Variants in TENT2 observed in about 807,000 individuals in gnomAD.
The protein encoded by TENT2 is poly(A) RNA polymerase GLD2.
TENT2 carries 44 observed loss-of-function variants against 72.2 expected under a neutral mutation model. The observed-to-expected ratio is 0.61, with a 90% CI of 0.48 to 0.78. The LOEUF is 0.78. TENT2 is among the 30% of genes least tolerant of loss of function. The pLI is 0.00. For synonymous variants in TENT2, 212 were observed against 192.5 expected (o/e 1.10, Z -0.84); for missense variants, 541 against 569.6 (o/e 0.95, Z 0.51).
chr5:79,615,874 G>A (rs1759422217), intron 1 of TENT2, among the ~76,000 whole-genome samples: 1 of 151,782 alleles, frequency 6.6e-6, no homozygotes, highest in Non-Finnish European at 1.5e-5. Flanking sequence ...CACCACACCT[G>A]GCTAATTTTT....
In TENT2 at chr5:79,659,604, G is replaced by A. The variant is rs145791510; in HGVS notation, c.1071+2603G>A. On this transcript the variant is annotated intron_variant, in intron 11 of 14. Transcript: ENST00000453514. ...TATATATATATATATAATAGCCATC[G>A]TTTATTTAGTATCCATTATATATGT... Among the ~76,000 whole-genome samples the A allele has an allele frequency of 1.4e-3, 128 of 90,004 alleles. 1 individual carries two copies. The highest frequency in any genetic ancestry group is 4.3e-3 in the African/African-American group (113 of 26,528). The allele number at this position is 90,004 out of a possible 152,430, so 59.0% of individuals were successfully genotyped here. A position where few individuals can be genotyped will look rare whatever the true frequency, so the allele number is the denominator to read the frequency against.
chr5:79,670,335 A>G (rs546441284), intron 12 of TENT2, among the ~76,000 whole-genome samples: 3 of 151,418 alleles, frequency 2.0e-5, no homozygotes. Context: ...TTATTTATTT[A>G]TTTTTTTGAG....
intron 8 of TENT2, among the ~76,000 whole-genome samples, chr5:79,646,470 A>T (rs1789116966): frequency 6.6e-6 from 1 of 152,200 alleles, no homozygotes; most frequent in African/African-American, 2.4e-5. Flanking sequence ...TATAGAACGT[A>T]GCTACTATGA....
intron 4 of TENT2, among the ~76,000 whole-genome samples, chr5:79,637,596 T>G (rs1781125063): frequency 6.6e-6 from 1 of 151,974 alleles, no homozygotes; most frequent in Non-Finnish European, 1.5e-5. Flanking sequence ...CCAGCTAATT[T>G]TTAAATTTTT....
intron 1 of TENT2, among the ~76,000 whole-genome samples, chr5:79,619,092 A>G (rs1257381481): frequency 6.6e-6 from 1 of 152,206 alleles, no homozygotes; most frequent in Non-Finnish European, 1.5e-5. Context: ...CCTGTGGAAC[A>G]TAGCCCTCTT....
intron 7 of TENT2, 136 bp from the exon 8 acceptor site, chr5:79,644,987 T>TC: frequency 1.5e-6 from 1 of 648,640 alleles, no homozygotes; most frequent in Non-Finnish European, 2.5e-6. Context: ...GATAATGTCC[T>TC]CACTTGTATT....
chr5:79,680,879 A>G (rs892402806), intron 13 of TENT2, among the ~76,000 whole-genome samples: 6 of 151,918 alleles, frequency 3.9e-5, no homozygotes, highest in African/African-American at 1.5e-4. Context: ...CTCATTCCTG[A>G]TGCCTTTAGT....
chr5:79,665,207 A>G (rs1806486755), intron 11 of TENT2, among the ~76,000 whole-genome samples: 1 of 152,190 alleles, frequency 6.6e-6, no homozygotes, highest in African/African-American at 2.4e-5. Context: ...CTTCTTTAAC[A>G]TACATTTCTA....
At chr5:79,633,646 C>T (rs888307947) in intron 4 of TENT2, among the ~76,000 whole-genome samples, 1 of 150,880 alleles carries the variant, frequency 6.6e-6, no homozygotes, top group Non-Finnish European at 1.5e-5. Context: ...GAACTGCCAA[C>T]CTCAGGTGAT....
At chr5:79,638,760 G>A (rs1782189415) in intron 4 of TENT2, among the ~76,000 whole-genome samples, 1 of 152,038 alleles carries the variant, frequency 6.6e-6, no homozygotes, top group Non-Finnish European at 1.5e-5. Context: ...TGAATACCCG[G>A]TCAGTCAATT....
intron 7 of TENT2, among the ~76,000 whole-genome samples, chr5:79,643,337 C>T (rs1785939906): frequency 6.6e-6 from 1 of 152,136 alleles, no homozygotes. Context: ...AAAATATCAT[C>T]ACTGAACATG....
intron 7 of TENT2, chr5:79,644,577 A>G (rs1787243271): frequency 6.6e-6 from 1 of 152,128 alleles, no homozygotes; most frequent in South Asian, 2.1e-4. Flanking sequence ...GTGTATTTGA[A>G]TTTCCTATCA....
intron 12 of TENT2, among the ~76,000 whole-genome samples, chr5:79,678,511 G>GAA (rs150894100): frequency 7.0e-4 from 106 of 151,202 alleles, no homozygotes; most frequent in African/African-American, 2.5e-3. Context: ...AATGTTCCTT[G>GAA]AAAAAAAAGA....
chr5:79,657,039 G>C, intron 11 of TENT2, 38 bp downstream of exon 11: 1 of 1,371,706 alleles, frequency 7.3e-7, no homozygotes, highest in Non-Finnish European at 1.0e-6. Flanking sequence ...TACATTTTAT[G>C]TCAAGTGTAT....
At chr5:79,671,963 TGTG>T (rs1338872138) in intron 12 of TENT2, among the ~76,000 whole-genome samples, 1 of 151,606 alleles carries the variant, frequency 6.6e-6, no homozygotes, top group Non-Finnish European at 1.5e-5. Context: ...ATTAGCCAGG[TGTG>T]GTGGCACATG....
intron 11 of TENT2, among the ~76,000 whole-genome samples, chr5:79,665,590 C>A (rs1243171821): frequency 6.6e-6 from 1 of 152,132 alleles, no homozygotes; most frequent in African/African-American, 2.4e-5. Context: ...GATTACGTGT[C>A]TTCTAAAGGA....
intron 12 of TENT2, among the ~76,000 whole-genome samples, chr5:79,670,307 G>T (rs1002466800): frequency 2.0e-5 from 3 of 151,434 alleles, no homozygotes; most frequent in African/African-American, 7.3e-5. Flanking sequence ...AAAAAGGTAA[G>T]AGCTTTTATT....
intron 7 of TENT2, among the ~76,000 whole-genome samples, chr5:79,644,231 C>T (rs572575998): frequency 1.3e-5 from 2 of 152,258 alleles, no homozygotes; most frequent in South Asian, 4.1e-4. Flanking sequence ...ATACATCCAC[C>T]TTGGCCTCCC....
At chr5:79,649,452 G>C (rs1194136281) in intron 10 of TENT2, among the ~76,000 whole-genome samples, 3 of 146,006 alleles carry the variant, frequency 2.1e-5, no homozygotes, top group Non-Finnish European at 4.4e-5. Context: ...TTTCACCACT[G>C]TATTGTGGAC....
Sources: allele counts gnomAD v4.1 joint callset (sites outside exome capture counted in the v4.1 genomes callset), GRCh38; gene constraint gnomAD v4.1.1; transcripts MANE v1.5; gene names NCBI Gene and HGNC (gene_info 2026-07-23, HGNC 2026-07-21).